Variants in HMGB1 observed in about 807,000 individuals in gnomAD.
HMGB1 encodes high mobility group protein B1.
For synonymous variants in HMGB1, 81 were observed against 84.0 expected (o/e 0.96, Z 0.19); for missense variants, 79 against 253.5 (o/e 0.31, Z 4.67).
At chr13:30,505,387 C>G (rs1030381807) in intron 1 of HMGB1, among the ~76,000 whole-genome samples, 1 of 151,548 alleles carries the variant, frequency 6.6e-6, no homozygotes, top group Non-Finnish European at 1.5e-5. Context: ...ACCGTGTTAG[C>G]CAGGATGGTC....
chr13:30,559,429 T>G lies in HMGB1; in HGVS notation c.-15+57242A>C, dbSNP rs1869847898. Reference sequence around the variant, plus strand: ...AGTTTTGCTTCCTTGGGCAGTGAATTTAAATAACCTGTCAAAAGAATGAAG... The same window carrying G: ...AGTTTTGCTTCCTTGGGCAGTGAATGTAAATAACCTGTCAAAAGAATGAAG... On this transcript the variant is annotated intron_variant, in intron 1 of 4. Transcript: ENST00000405805. This position sits in a 1 kb window ranked among gnomAD's most constrained non-coding sequence, Gnocchi z 6.6. 6.6e-6 allele frequency among the ~76,000 whole-genome samples: 1 copy of G among 152,158 alleles called. No homozygotes were observed. The highest frequency in any genetic ancestry group is 1.5e-5 in the Non-Finnish European group (1 of 68,034).
intron 1 of HMGB1, among the ~76,000 whole-genome samples, chr13:30,616,341 C>A (rs1950562115): frequency 6.6e-6 from 1 of 152,200 alleles, no homozygotes; most frequent in South Asian, 2.1e-4. Flanking sequence ...TTGCAGACAA[C>A]GTTTTAAAAA....
chr13:30,597,441 G>GT (rs774717935), intron 1 of HMGB1, among the ~76,000 whole-genome samples: 2 of 152,184 alleles, frequency 1.3e-5, no homozygotes, highest in Non-Finnish European at 2.9e-5. Context: ...CTTCAGAACC[G>GT]TAAGAAAATA....
exon 1 of HMGB1, chr13:30,617,426 G>A (rs916332438): frequency 6.6e-5 from 10 of 151,970 alleles, no homozygotes; most frequent in African/African-American, 2.4e-4. Flanking sequence ...CAGCTGTGAA[G>A]GCCGCGCCGG....
At chr13:30,588,757 A>G (rs946358531) in intron 1 of HMGB1, among the ~76,000 whole-genome samples, 4 of 151,952 alleles carry the variant, frequency 2.6e-5, no homozygotes, top group Non-Finnish European at 4.4e-5. Flanking sequence ...TCTCTACTAA[A>G]AATACAGAAA....
At chr13:30,513,662 C>G (rs1489133390) in intron 1 of HMGB1, among the ~76,000 whole-genome samples, 1 of 152,212 alleles carries the variant, frequency 6.6e-6, no homozygotes, top group Admixed American at 6.5e-5. Flanking sequence ...ATACAGATAA[C>G]TCAACTTTAA....
chr13:30,535,060 C>T (rs1338636615), intron 1 of HMGB1, among the ~76,000 whole-genome samples: 1 of 152,178 alleles, frequency 6.6e-6, no homozygotes, highest in Non-Finnish European at 1.5e-5. Context: ...TTTCACAAGT[C>T]GGTATTAGAT....
At position 30,460,448 on chromosome 13, in the gene HMGB1, G is replaced by A. The variant is rs1886248914; in HGVS notation, c.*909C>T. 6.6e-6 allele frequency: 1 copy of A among 151,090 alleles called. No individual in the cohort carries two copies. The highest frequency in any genetic ancestry group is 6.6e-5 in the Admixed American group (1 of 15,098). 9.4% of individuals were successfully genotyped at this position (151,090 alleles called of 1,614,324 possible). ...TTGTATTTTAAGCTCACGCTTTTGG[G>A]GATACATTCTCAGGTCTTCTTTAAT... is the stretch of plus-strand genomic sequence containing the variant. On this transcript the variant is annotated 3_prime_UTR_variant, in exon 5 of 5. Transcript: ENST00000341423.
chr13:30,500,027 C>T (rs1887699084), intron 1 of HMGB1, among the ~76,000 whole-genome samples: 1 of 152,074 alleles, frequency 6.6e-6, no homozygotes, highest in African/African-American at 2.4e-5. Flanking sequence ...GGGTAGAGCC[C>T]TCAGGTATAA....
At chr13:30,558,413 A>G (rs969631280) in intron 1 of HMGB1, among the ~76,000 whole-genome samples, 15 of 152,370 alleles carry the variant, frequency 9.8e-5, no homozygotes, top group South Asian at 4.1e-4. Flanking sequence ...TTCTTAGCCA[A>G]AAGTGTGGAG....
At chr13:30,588,393 C>A (rs1423480938) in intron 1 of HMGB1, among the ~76,000 whole-genome samples, 1 of 152,084 alleles carries the variant, frequency 6.6e-6, no homozygotes, top group Non-Finnish European at 1.5e-5. Context: ...TCATGTAGAA[C>A]AGGGGAAAGG....
chr13:30,537,697 A>AT (rs71093077), intron 1 of HMGB1, among the ~76,000 whole-genome samples: 301 of 124,962 alleles, frequency 2.4e-3, no homozygotes, highest in Middle Eastern at 4.4e-3. Flanking sequence ...ATATATATAT[A>AT]AAATTGATGT....
rs114944413 is a variant in HMGB1, at chr13:30,520,715, C to T, written c.-14-57021G>A. On this transcript the variant is annotated intron_variant, in intron 1 of 4. Transcript: ENST00000405805. ...GTGAATCACTTGTTTGACTCAGAGTCTGCTTCACTGCTTATTCACTCAGTA... is the reference window on the plus strand; with the variant it reads ...GTGAATCACTTGTTTGACTCAGAGTTTGCTTCACTGCTTATTCACTCAGTA... 3.1e-3 allele frequency among the ~76,000 whole-genome samples: 470 copies of T among 152,350 alleles called. 3 individuals carry two copies. Among genetic ancestry groups the T allele is most frequent in the African/African-American group, 8.4e-3 (348 of 41,584 alleles).
chr13:30,547,556 T>C (rs1869216719), intron 1 of HMGB1, among the ~76,000 whole-genome samples: 2 of 152,158 alleles, frequency 1.3e-5, no homozygotes. Context: ...TTTGGGGTGG[T>C]TTGCTATAGA....
At chr13:30,508,363 T>G (rs149964298) in intron 1 of HMGB1, among the ~76,000 whole-genome samples, 5 of 151,722 alleles carry the variant, frequency 3.3e-5, no homozygotes, top group Non-Finnish European at 7.4e-5. Context: ...AATACAAAAA[T>G]TAGCTGGGCG....
In HMGB1 at chr13:30,463,891, C is replaced by CAA. The variant is rs892544591; in HGVS notation, c.-14-199_-14-198dup. The CAA allele has an allele frequency of 5.9e-6, 3 of 512,592 alleles. No individual in the cohort carries two copies. In the African/African-American group the frequency reaches 5.9e-5, roughly 10 times the overall value. 31.8% of individuals were successfully genotyped at this position (512,592 alleles called of 1,614,324 possible). ...GCTATGCCAAGCAAACAAAACAAAA[C>CAA]AAAAACAGTCCTTCAGGGCGATCTC... On this transcript the variant is annotated intron_variant, in intron 1 of 4. Transcript: ENST00000341423.
chr13:30,470,241 C>T (rs1886888142), upstream of HMGB1, among the ~76,000 whole-genome samples: 1 of 152,186 alleles, frequency 6.6e-6, no homozygotes, highest in Admixed American at 6.5e-5. Flanking sequence ...ATACAGCAGG[C>T]ATTAAATAAA....
At chr13:30,502,395 C>T (rs1482183406) in intron 1 of HMGB1, among the ~76,000 whole-genome samples, 1 of 152,136 alleles carries the variant, frequency 6.6e-6, no homozygotes, top group Non-Finnish European at 1.5e-5. Flanking sequence ...CAAACTTGTT[C>T]TCCTTAAGGC....
chr13:30,463,786 TG>T, intron 1 of HMGB1, 92 bp from the exon 2 acceptor site: 1 of 775,548 alleles, frequency 1.3e-6, no homozygotes. Context: ...ACCAAAGTAC[TG>T]GTTATTTAAC....
Sources: allele counts gnomAD v4.1 joint callset (sites outside exome capture counted in the v4.1 genomes callset), GRCh38; gene constraint gnomAD v4.1.1; non-coding constraint Gnocchi (gnomAD v3.1); transcripts MANE v1.5; gene names NCBI Gene and HGNC (gene_info 2026-07-23, HGNC 2026-07-21).